Variants in CACNA1C observed in about 807,000 individuals in gnomAD.
CACNA1C encodes the protein calcium voltage-gated channel subunit alpha1 C.
In CACNA1C, 30 loss-of-function variants were observed where a neutral mutation model predicts 229.0. The ratio of observed to expected loss-of-function variants is 0.13; its 90% CI spans 0.10 to 0.18. CACNA1C has a LOEUF of 0.18. Among genes scored for constraint, CACNA1C ranks in the 10% least tolerant of loss-of-function variants. The pLI, the probability that CACNA1C is intolerant of heterozygous loss-of-function variation, is 1.00. For missense variants in CACNA1C, 1,658 were observed against 2,845.0 expected (o/e 0.58, Z 9.49); for synonymous variants, 1,114 against 1,132.5 (o/e 0.98, Z 0.33).
rs1461639324 is a variant in CACNA1C at position 2,287,772 on chromosome 12, C to T, written c.478-161204C>T. ...GGCTCCAGCTTCCGAGTTTCAGTGG[C>T]TCCAGGATGGAGCTTGAGAATTTGC... On this transcript the variant is annotated intron_variant, in intron 3 of 46. Coordinates refer to ENST00000399655, the MANE Select transcript of CACNA1C (RefSeq NM_000719.7). This position sits in a 1 kb window ranked among gnomAD's most constrained non-coding sequence, Gnocchi z 4.6. Among the ~76,000 whole-genome samples, 1 of 152,200 alleles carries T rather than the reference C, an allele frequency of 6.6e-6. No homozygotes were observed. The highest frequency in any genetic ancestry group is 1.5e-5 in the Non-Finnish European group (1 of 68,040).
intron 9 of CACNA1C, among the ~76,000 whole-genome samples, chr12:2,544,380 C>T (rs1378778441): frequency 6.6e-6 from 1 of 152,112 alleles, no homozygotes; most frequent in Non-Finnish European, 1.5e-5. Context: ...TTGGGTTGCC[C>T]CTCCCCTCAT....
In CACNA1C at chr12:2,639,370, T is replaced by G. The variant is rs1467880547; in HGVS notation, c.3912+4990T>G. Among the ~76,000 whole-genome samples the G allele has an allele frequency of 6.6e-6, 1 of 152,244 alleles. No individual in the cohort carries two copies. The highest frequency in any genetic ancestry group is 1.9e-4 in the East Asian group (1 of 5,200). ...TAAACATCCCAAACTGGAATTAATT[T>G]GACTGCTTGGGCCAACAGCCTTTCC... On this transcript the variant is annotated intron_variant, in intron 30 of 46. Coordinates refer to ENST00000399655, the MANE Select transcript of CACNA1C (RefSeq NM_000719.7). This position sits in a 1 kb window ranked among gnomAD's most constrained non-coding sequence, Gnocchi z 4.2.
chr12:2,004,588 GA>G, intron 1 of CACNA1C: 1 of 1,087,710 alleles, frequency 9.2e-7, no homozygotes, highest in South Asian at 1.6e-5. Flanking sequence ...CCCGCCGACA[GA>G]CGCAAGGCCT....
chr12:1,980,103 T>A (rs2035672843), intron 1 of CACNA1C, among the ~76,000 whole-genome samples: 1 of 152,210 alleles, frequency 6.6e-6, no homozygotes, highest in African/African-American at 2.4e-5. Flanking sequence ...CCCATCAATT[T>A]CACTCCTAGG....
intron 3 of CACNA1C, among the ~76,000 whole-genome samples, chr12:2,328,913 A>G (rs899219247): frequency 6.6e-6 from 1 of 152,216 alleles, no homozygotes; most frequent in Non-Finnish European, 1.5e-5. Context: ...GCGGTGTCTC[A>G]TCTGGGACCA....
At chr12:2,222,233 C>T (rs899879425) in intron 3 of CACNA1C, 1 of 152,206 alleles carries the variant, frequency 6.6e-6, no homozygotes, top group Non-Finnish European at 1.5e-5. Context: ...GTGAATAAAT[C>T]AGTGGGCTGG....
intron 34 of CACNA1C, 106 bp downstream of exon 34, chr12:2,655,344 G>A (rs1402703428): frequency 8.9e-6 from 6 of 673,798 alleles, no homozygotes; most frequent in Non-Finnish European, 1.3e-5. Flanking sequence ...GGAGTAGGAA[G>A]GGAGAGGATG....
rs570198184 is a variant in CACNA1C at position 2,680,263 on chromosome 12, G to A, written c.5444+467G>A. 1.0e-5 allele frequency: 9 copies of A among 900,708 alleles called. No individual in the cohort carries two copies. The African/African-American group carries it at 1.2e-4, about 12-fold the overall frequency. The allele number at this position is 900,708 out of a possible 1,614,324, so 55.8% of individuals were successfully genotyped here. ...GTGGGAGGCGCCATCTGTAGCACTG[G>A]CCCATTCTGCCCAGCACAGGATCAT... On this transcript the variant is annotated intron_variant, in intron 42 of 46. Coordinates refer to ENST00000399655, the MANE Select transcript of CACNA1C (RefSeq NM_000719.7).
intron 3 of CACNA1C, among the ~76,000 whole-genome samples, chr12:2,329,461 T>C (rs192778137): frequency 4.6e-5 from 7 of 152,294 alleles, no homozygotes; most frequent in African/African-American, 1.7e-4. Flanking sequence ...CACCAGCCAA[T>C]GCAGTGAGGG....
At chr12:2,500,195 G>T (rs1442502338) in intron 7 of CACNA1C, among the ~76,000 whole-genome samples, 2 of 152,186 alleles carry the variant, frequency 1.3e-5, no homozygotes, top group Non-Finnish European at 2.9e-5. Context: ...CACAGCCCAG[G>T]GGGGACCAAA....
intron 3 of CACNA1C, among the ~76,000 whole-genome samples, chr12:2,394,745 C>T (rs2098542826): frequency 6.6e-6 from 1 of 152,122 alleles, no homozygotes; most frequent in African/African-American, 2.4e-5. Flanking sequence ...TTATCCAGGG[C>T]TATCAGGATC....
chr12:1,974,458 C>G (rs879472447), intron 1 of CACNA1C, among the ~76,000 whole-genome samples: 1 of 152,154 alleles, frequency 6.6e-6, no homozygotes, highest in Non-Finnish European at 1.5e-5. Flanking sequence ...TGATCCAGCA[C>G]TATGTAGACA....
intron 3 of CACNA1C, among the ~76,000 whole-genome samples, chr12:2,128,444 T>G (rs545456604): frequency 5.9e-5 from 9 of 152,286 alleles, no homozygotes; most frequent in Non-Finnish European, 1.0e-4. Context: ...AGAGTCTCTC[T>G]CTGTCGCCCA....
intron 1 of CACNA1C, among the ~76,000 whole-genome samples, chr12:2,032,728 G>A (rs1184474436): frequency 2.0e-5 from 3 of 152,194 alleles, no homozygotes; most frequent in Non-Finnish European, 2.9e-5. Context: ...TCAGCAGCTG[G>A]AGCTAACAAC....
rs4344551 is a variant in CACNA1C at position 2,638,235 on chromosome 12, G to A, written c.3912+3855G>A. Among the ~76,000 whole-genome samples, 1,215 of 152,348 alleles carry A rather than the reference G, an allele frequency of 8.0e-3. 25 individuals are homozygous for A. The highest frequency in any genetic ancestry group is 0.028 in the African/African-American group (1,168 of 41,578). On this transcript the variant is annotated intron_variant, in intron 30 of 46. Coordinates refer to ENST00000399655, the MANE Select transcript of CACNA1C (RefSeq NM_000719.7). ...TAGTGCCAGATAAGGGGGCTCCAAG[G>A]TGCTGGGGAGCAGTGATGGCAGGCA...
In CACNA1C at chr12:2,041,475, A is replaced by G. The variant is rs1011838126; in HGVS notation, c.139+70274A>G. Among the ~76,000 whole-genome samples the G allele has an allele frequency of 3.4e-4, 52 of 151,680 alleles. 1 individual carries two copies. Among genetic ancestry groups the G allele is most frequent in the Admixed American group, 2.6e-4 (4 of 15,244 alleles). Reference sequence around the variant, plus strand: ...GTATTTTTAGTAGAGACGGGGTTTCACCATGTTCGCCAGGATGGTCTCGAT... The same window carrying G: ...GTATTTTTAGTAGAGACGGGGTTTCGCCATGTTCGCCAGGATGGTCTCGAT... On this transcript the variant is annotated intron_variant, in intron 1 of 46. Coordinates refer to the CACNA1C transcript ENST00000682462.
chr12:2,502,306 CGTT>C (rs2099762366), intron 7 of CACNA1C, among the ~76,000 whole-genome samples: 1 of 152,254 alleles, frequency 6.6e-6, no homozygotes. Context: ...TGCGAGGCAT[CGTT>C]GTAGGCACCT....
chr12:2,093,498 A>G (rs2072329432), intron 1 of CACNA1C, among the ~76,000 whole-genome samples: 1 of 152,224 alleles, frequency 6.6e-6, no homozygotes, highest in Non-Finnish European at 1.5e-5. Context: ...GGAAGTGGGT[A>G]TGCTTTGTGC....
Position 2,227,883 on chromosome 12 carries a change from T to C in CACNA1C, c.477+107453T>C, listed in dbSNP as rs1274618395. ...CTTACAACTTACAACTTTGACTTGA[T>C]GGACATATGGTAATTATTTTTAAAC... is the stretch of plus-strand genomic sequence containing the variant. On this transcript the variant is annotated intron_variant, in intron 3 of 46. Transcript: ENST00000399655. 3.3e-5 allele frequency among the ~76,000 whole-genome samples: 5 copies of C among 152,356 alleles called. No homozygotes were observed. In the East Asian group the frequency reaches 7.7e-4, roughly 24 times the overall value.
Sources: gnomAD v4.1 joint callset for allele counts (sites outside exome capture counted in the v4.1 genomes callset) on GRCh38, gnomAD v4.1.1 for gene constraint, Gnocchi (gnomAD v3.1) non-coding constraint, MANE v1.5 for transcripts, NCBI Gene and HGNC (gene_info 2026-07-23, HGNC 2026-07-21) for gene names.